RBAK: variants seen among roughly 807,000 people sequenced by gnomAD.
The protein encoded by RBAK is RB associated KRAB zinc finger.
A neutral mutation model predicts 65.8 loss-of-function variants in RBAK; 39 were observed. That is an observed-to-expected ratio of 0.59 (90% CI 0.46 to 0.77). The LOEUF (loss-of-function observed/expected upper bound fraction) is 0.77, where lower values mean the gene tolerates loss of function less well. Ranked by LOEUF, RBAK falls within the 30% of genes least tolerant of loss-of-function variation. RBAK has a pLI of 0.00. For missense variants in RBAK, 884 were observed against 855.1 expected (o/e 1.03, Z -0.42); for synonymous variants, 343 against 289.7 (o/e 1.18, Z -1.87).
At chr7:5,061,998 G>A (rs1323109807) in intron 4 of RBAK, among the ~76,000 whole-genome samples, 1 of 152,052 alleles carries the variant, frequency 6.6e-6, no homozygotes, top group African/African-American at 2.4e-5. Context: ...AATCCTCTCT[G>A]TAAACGTGAG....
intron 1 of RBAK, among the ~76,000 whole-genome samples, chr7:5,047,029 ACATT>A (rs1428974347): frequency 3.3e-5 from 5 of 152,208 alleles, no homozygotes; most frequent in Non-Finnish European, 7.3e-5. Flanking sequence ...TATTTTATAC[ACATT>A]CATTTCATTT....
In RBAK at chr7:5,065,125, CATT is replaced by C. The variant is rs1330525534; in HGVS notation, c.1672_1674del (p.Tyr558del). The C allele has an allele frequency of 6.2e-7, 1 of 1,613,948 alleles. No homozygotes were observed. Among genetic ancestry groups the C allele is most frequent in the South Asian group, 1.1e-5 (1 of 91,058 alleles). On this transcript the variant is annotated inframe_deletion, in exon 5 of 5. Coordinates refer to ENST00000396912, the MANE Select transcript of RBAK (RefSeq NM_021163.4). This position sits in a 1 kb window ranked among gnomAD's most constrained non-coding sequence, Gnocchi z 5.3. Reference sequence around the variant, plus strand: ...CAATGAGTTGTCATACTATACTGAACATTATAGAAGTCATTCAGAAGAGAAACC... The same window carrying C: ...CAATGAGTTGTCATACTATACTGAACATAGAAGTCATTCAGAAGAGAAACC...
chr7:5,064,285 A>C lies in RBAK; in HGVS notation c.829A>C (p.Ile277Leu). Reference sequence around the variant, plus strand: ...ATCCTTCTGTAAAAAGTCAAAATTCATCATCCACCAGAGGGCTCACACAGG... The same window carrying C: ...ATCCTTCTGTAAAAAGTCAAAATTCCTCATCCACCAGAGGGCTCACACAGG... The part of the protein sequence containing the change: ...GKSFCKKSKF[I>L]IHQRAHTGEK... Residue 277 changes from isoleucine (I) to leucine (L), a missense_variant, in exon 5 of 5, where the codon ATC becomes CTC. Ile to Leu is a conservative substitution (Grantham distance 5). Transcript: ENST00000396912. The surrounding 1 kb of genome is among the most constrained non-coding windows in gnomAD (Gnocchi z 6.3). The C allele has an allele frequency of 6.2e-7, 1 of 1,614,164 alleles. No individual in the cohort carries two copies. The highest frequency in any genetic ancestry group is 8.5e-7 in the Non-Finnish European group (1 of 1,180,002).
At position 5,054,340 on chromosome 7, in the gene RBAK, G is replaced by A. The variant is rs190232183; in HGVS notation, c.16-2955G>A. On this transcript the variant is annotated intron_variant, in intron 2 of 4. Transcript: ENST00000396912. The stretch of plus-strand genomic sequence containing the variant: ...GAATCGCTGGAACCCGGGAGACGGA[G>A]GTTGCAGTGAGCCAAGATTGTGCCA... Among the ~76,000 whole-genome samples the A allele has an allele frequency of 1.7e-3, 251 of 151,682 alleles. 3 individuals carry two copies. Among genetic ancestry groups the A allele is most frequent in the African/African-American group, 5.9e-3 (242 of 41,340 alleles).
At chr7:5,062,057 A>AAGGCATGGATTTT (rs1779088142) in intron 4 of RBAK, among the ~76,000 whole-genome samples, 1 of 152,178 alleles carries the variant, frequency 6.6e-6, no homozygotes, top group Non-Finnish European at 1.5e-5. Flanking sequence ...GCAGACTAGT[A>AAGGCATGGATTTT]AGGCATGGAT....
chr7:5,061,707 G>A (rs979380151), intron 4 of RBAK, among the ~76,000 whole-genome samples: 4 of 151,632 alleles, frequency 2.6e-5, no homozygotes, highest in African/African-American at 9.7e-5. Flanking sequence ...AGACCAGTCT[G>A]GGCAACATGG....
At chr7:5,056,194 A>G (rs1247266562) in intron 2 of RBAK, among the ~76,000 whole-genome samples, 1 of 140,926 alleles carries the variant, frequency 7.1e-6, no homozygotes, top group Non-Finnish European at 1.5e-5. Context: ...TGCAGCCTTG[A>G]CCTCCCAGGC....
intron 4 of RBAK, among the ~76,000 whole-genome samples, chr7:5,059,522 T>A (rs1263287981): frequency 6.6e-6 from 1 of 152,044 alleles, no homozygotes; most frequent in Non-Finnish European, 1.5e-5. Context: ...AAACCACACA[T>A]AACATACAAT....
chr7:5,063,535 C>G (rs1003168197), intron 4 of RBAK, among the ~76,000 whole-genome samples, 160 bp from the exon 5 acceptor site: 4 of 143,552 alleles, frequency 2.8e-5, no homozygotes, highest in African/African-American at 7.7e-5. Context: ...TATTCCAAAC[C>G]AAAGGAAAAA....
chr7:5,051,038 C>G (rs1378051421), intron 2 of RBAK, among the ~76,000 whole-genome samples: 5 of 152,084 alleles, frequency 3.3e-5, no homozygotes, highest in Non-Finnish European at 1.5e-5. Context: ...TTCAGTACAT[C>G]AAAGTTGTGA....
intron 2 of RBAK, 145 bp from the exon 3 acceptor site, chr7:5,057,150 T>C: frequency 3.4e-6 from 4 of 1,179,430 alleles, no homozygotes; most frequent in Non-Finnish European, 4.6e-6. Context: ...AGGATATGTG[T>C]TTCCAATATG....
In RBAK at chr7:5,048,852, A is replaced by T. The variant is rs1472314080; in HGVS notation, c.15+761A>T. On this transcript the variant is annotated intron_variant, in intron 2 of 4. Transcript: ENST00000396912. The surrounding 1 kb of genome is among the most constrained non-coding windows in gnomAD (Gnocchi z 4.4). ...GTACATCTTCCATCACCAGAGCAGG[A>T]GGAAGAGGGAGGGGGAGGCGCTACA... Among the ~76,000 whole-genome samples, 1 of 152,068 alleles carries T rather than the reference A, an allele frequency of 6.6e-6. No individual in the cohort carries two copies. The highest frequency in any genetic ancestry group is 1.5e-5 in the Non-Finnish European group (1 of 68,032).
At position 5,046,199 on chromosome 7, in the gene RBAK, C is replaced by G. The variant is rs572481839; in HGVS notation, c.-242C>G. The G allele has an allele frequency of 6.6e-4, 318 of 481,186 alleles. 4 individuals are homozygous for G. Among genetic ancestry groups the G allele is most frequent in the African/African-American group, 5.9e-3 (300 of 51,250 alleles). The allele number at this position is 481,186 out of a possible 1,614,324, so 29.8% of individuals were successfully genotyped here. A position where few individuals can be genotyped will look rare whatever the true frequency, so the allele number is the denominator to read the frequency against. ...CCCAGGCTGCCGCTGTACGGTGAGC[C>G]CGAGGGAGGCGGATCTGGGTCCCGG... On this transcript the variant is annotated 5_prime_UTR_variant, in exon 1 of 5. Coordinates refer to ENST00000396912, the MANE Select transcript of RBAK (RefSeq NM_021163.4).
At chr7:5,050,421 C>T (rs1788090408) in intron 2 of RBAK, among the ~76,000 whole-genome samples, 1 of 152,128 alleles carries the variant, frequency 6.6e-6, no homozygotes, top group Non-Finnish European at 1.5e-5. Flanking sequence ...CCGTACGTGG[C>T]ATTTGTCTAC....
At chr7:5,053,956 T>C (rs112635308) in intron 2 of RBAK, among the ~76,000 whole-genome samples, 46 of 152,288 alleles carry the variant, frequency 3.0e-4, no homozygotes, top group African/African-American at 1.0e-3. Flanking sequence ...TTCCTGCCCA[T>C]TTTCCCATCT....
intron 2 of RBAK, among the ~76,000 whole-genome samples, chr7:5,053,392 T>A (rs1198965058): frequency 1.3e-5 from 2 of 152,230 alleles, no homozygotes; most frequent in Non-Finnish European, 2.9e-5. Flanking sequence ...TCTTTTTTTC[T>A]TTCCCCCCTT....
intron 2 of RBAK, among the ~76,000 whole-genome samples, chr7:5,050,413 G>T (rs1300943558): frequency 6.6e-6 from 1 of 152,090 alleles, no homozygotes; most frequent in African/African-American, 2.4e-5. Flanking sequence ...CAGCTGTACC[G>T]TACGTGGCAT....
chr7:5,057,315 T>G lies in RBAK; in HGVS notation c.36T>G (p.Asp12Glu), dbSNP rs749531076. ...NTLQGPVSFK[D>E]VAVDFTQEEW... ...TACAGGGGCCAGTGTCATTCAAAGATGTGGCTGTGGATTTCACCCAGGAGG... is the reference window on the plus strand; with the variant it reads ...TACAGGGGCCAGTGTCATTCAAAGAGGTGGCTGTGGATTTCACCCAGGAGG... Residue 12 changes from aspartate to glutamate, a missense_variant, in exon 3 of 5, where the codon GAT becomes GAG. Transcript: ENST00000396912. 1 of 1,614,022 alleles carries G rather than the reference T, an allele frequency of 6.2e-7. No individual in the cohort carries two copies.
chr7:5,056,368 T>G (rs1788232267), intron 2 of RBAK, among the ~76,000 whole-genome samples: 1 of 152,078 alleles, frequency 6.6e-6, no homozygotes, highest in African/African-American at 2.4e-5. Flanking sequence ...TCTTCCCATC[T>G]TGGCCTCCCA....
Sources: gnomAD v4.1 joint callset for allele counts (sites outside exome capture counted in the v4.1 genomes callset) on GRCh38, gnomAD v4.1.1 for gene constraint, Gnocchi (gnomAD v3.1) non-coding constraint, MANE v1.5 for transcripts, NCBI Gene and HGNC (gene_info 2026-07-23, HGNC 2026-07-21) for gene names.